Variants in DNMBP observed in about 807,000 individuals in gnomAD.
DNMBP encodes the protein dynamin-binding protein.
In DNMBP, 87 loss-of-function variants were observed where a neutral mutation model predicts 150.0. The ratio of observed to expected loss-of-function variants is 0.58; its 90% CI spans 0.49 to 0.69. The LOEUF (loss-of-function observed/expected upper bound fraction) is 0.69, where lower values mean the gene tolerates loss of function less well. Ranked by LOEUF, DNMBP falls within the 30% of genes least tolerant of loss-of-function variation. The pLI is 0.00. For missense variants in DNMBP, 1,774 were observed against 1,949.0 expected (o/e 0.91, Z 1.69); for synonymous variants, 711 against 750.4 (o/e 0.95, Z 0.86).
intron 16 of DNMBP, among the ~76,000 whole-genome samples, chr10:99,878,782 C>T (rs954053421): frequency 6.6e-6 from 1 of 152,074 alleles, no homozygotes; most frequent in Non-Finnish European, 1.5e-5. Flanking sequence ...AACGGTGCAG[C>T]AAAGACTCTG....
intron 1 of DNMBP, among the ~76,000 whole-genome samples, chr10:99,992,727 C>T (rs755879939): frequency 2.6e-5 from 4 of 152,008 alleles, no homozygotes; most frequent in Admixed American, 2.6e-4. Flanking sequence ...GGGGTTTCAC[C>T]GTGTTAGCCA....
chr10:99,994,349 A>T (rs75772104), intron 1 of DNMBP, among the ~76,000 whole-genome samples: 3,772 of 152,322 alleles, frequency 0.025, 83 homozygotes, highest in Admixed American at 0.061. Flanking sequence ...CAAATGGTAC[A>T]TACAGTACTC....
At chr10:99,936,436 T>A (rs1000778569) in intron 4 of DNMBP, among the ~76,000 whole-genome samples, 10 of 152,076 alleles carry the variant, frequency 6.6e-5, no homozygotes, top group Non-Finnish European at 1.5e-4. Context: ...CAAGAAGGCC[T>A]CTGGAGAACA....
At chr10:99,982,313 G>C (rs1792717021) in intron 1 of DNMBP, among the ~76,000 whole-genome samples, 1 of 151,930 alleles carries the variant, frequency 6.6e-6, no homozygotes, top group Non-Finnish European at 1.5e-5. Flanking sequence ...GCGTGGTAGT[G>C]CACGCCTGTA....
intron 4 of DNMBP, among the ~76,000 whole-genome samples, chr10:99,940,102 G>C (rs143617530): frequency 5.3e-5 from 8 of 152,298 alleles, no homozygotes; most frequent in African/African-American, 1.9e-4. Flanking sequence ...TCAGTGAATT[G>C]GTTTTGTTTG....
intron 3 of DNMBP, among the ~76,000 whole-genome samples, chr10:99,968,179 A>G (rs2040639020): frequency 2.0e-5 from 3 of 152,100 alleles, no homozygotes; most frequent in Admixed American, 2.0e-4. Context: ...AAGTATGACT[A>G]TCTGTTTTAA....
intron 4 of DNMBP, among the ~76,000 whole-genome samples, chr10:99,923,704 C>T (rs1032529969): frequency 1.3e-5 from 2 of 152,162 alleles, no homozygotes; most frequent in Non-Finnish European, 2.9e-5. Flanking sequence ...CCACCTTCCC[C>T]ACGTCTTTGT....
At chr10:99,997,573 A>T (rs983573482) in intron 1 of DNMBP, among the ~76,000 whole-genome samples, 3 of 152,160 alleles carry the variant, frequency 2.0e-5, no homozygotes, top group Non-Finnish European at 4.4e-5. Context: ...AGACACCCTT[A>T]AAAAATCCAG....
intron 4 of DNMBP, among the ~76,000 whole-genome samples, chr10:99,917,292 G>A (rs2039974954): frequency 6.6e-6 from 1 of 152,166 alleles, no homozygotes; most frequent in African/African-American, 2.4e-5. Context: ...GGGAGATGGA[G>A]GTTGCAGTGA....
At chr10:100,002,725 A>C (rs1217373152) in intron 1 of DNMBP, among the ~76,000 whole-genome samples, 1 of 152,088 alleles carries the variant, frequency 6.6e-6, no homozygotes, top group East Asian at 1.9e-4. Flanking sequence ...CTTGAAACAA[A>C]GTCAGCATAG....
At chr10:99,944,395 G>A (rs908588547) in intron 4 of DNMBP, among the ~76,000 whole-genome samples, 2 of 152,140 alleles carry the variant, frequency 1.3e-5, no homozygotes, top group African/African-American at 4.8e-5. Flanking sequence ...GGTAGCACTA[G>A]GTAGTCCTGA....
chr10:99,957,562 G>T, intron 3 of DNMBP: 1 of 241,330 alleles, frequency 4.1e-6, no homozygotes, highest in South Asian at 6.8e-5. Flanking sequence ...CCAGCTAGGT[G>T]CTGTGGCTTA....
At chr10:99,915,108 A>AAATATATATATATAT (rs10654940) in intron 4 of DNMBP, among the ~76,000 whole-genome samples, 51 of 99,780 alleles carry the variant, frequency 5.1e-4, no homozygotes, top group African/African-American at 2.1e-3. Flanking sequence ...AAAAAAAAAA[A>AAATATATATATATAT]ATATATATAT....
At chr10:99,991,900 C>T (rs1200105269) in intron 1 of DNMBP, among the ~76,000 whole-genome samples, 3 of 122,136 alleles carry the variant, frequency 2.5e-5, no homozygotes, top group South Asian at 2.6e-4. Context: ...AGCGAGACTC[C>T]ACCTCAAAAA....
rs768115422 is a variant in DNMBP, at chr10:99,884,023, T to G, written c.3985A>C (p.Ile1329Leu). The G allele has an allele frequency of 1.9e-6, 3 of 1,613,932 alleles. No homozygotes were observed. Among genetic ancestry groups the G allele is most frequent in the Non-Finnish European group, 2.5e-6 (3 of 1,179,914 alleles). ...DPMGSQNRWL[I>L]DNGVTKGFVY... Reference sequence around the variant, plus strand: ...TTAAAATTCTTACCTCCATTGTCAATCAGCCAGCGGTTCTGGCTGCCCATG... The same window carrying G: ...TTAAAATTCTTACCTCCATTGTCAAGCAGCCAGCGGTTCTGGCTGCCCATG... Residue 1329 changes from isoleucine to leucine, a missense_variant, in exon 15 of 17, where the codon ATT becomes CTT. By Grantham distance (5) the Ile-to-Leu change is conservative. Transcript: ENST00000324109.
chr10:99,899,421 G>A (rs998726758), intron 7 of DNMBP, among the ~76,000 whole-genome samples: 10 of 152,100 alleles, frequency 6.6e-5, no homozygotes, highest in Non-Finnish European at 1.5e-4. Context: ...GGCCAACACG[G>A]TGAAACCCCA....
rs2039630467 is a variant in DNMBP at position 99,895,000 on chromosome 10, T to C, written c.3102A>G (p.Glu1034=). 1 of 1,613,986 alleles carries C rather than the reference T, an allele frequency of 6.2e-7. No individual in the cohort carries two copies. The highest frequency in any genetic ancestry group is 1.3e-5 in the African/African-American group (1 of 74,938). Residue 1034 remains glutamate, a synonymous_variant, in exon 11 of 17, where the codon GAA becomes GAG. Transcript: ENST00000324109. The stretch of plus-strand genomic sequence containing the variant: ...CTCGGATAAAAGACTTAATCAATCT[T>C]TCTTGCATTCGGAAGTTTTTTTCTG... The part of the protein sequence containing the change: ...EETEKNFRMQ[E]RLIKSFIRDL...
chr10:100,005,799 G>C (rs898262533), intron 1 of DNMBP, among the ~76,000 whole-genome samples: 3 of 130,672 alleles, frequency 2.3e-5, no homozygotes, highest in South Asian at 5.1e-4. Context: ...ACTACATAAA[G>C]GAAAATGAAT....
At chr10:99,993,488 A>C (rs2040919875) in intron 1 of DNMBP, among the ~76,000 whole-genome samples, 1 of 152,178 alleles carries the variant, frequency 6.6e-6, no homozygotes, top group Non-Finnish European at 1.5e-5. Context: ...TCTTTCCGAA[A>C]TCTCTATACT....
Sources: allele counts gnomAD v4.1 joint callset (sites outside exome capture counted in the v4.1 genomes callset), GRCh38; gene constraint gnomAD v4.1.1; transcripts MANE v1.5; gene names NCBI Gene and HGNC (gene_info 2026-07-23, HGNC 2026-07-21).